Variants in IMPG1 observed in about 807,000 individuals in gnomAD.
The protein encoded by IMPG1 is interphotoreceptor matrix proteoglycan of 150 kDa.
In IMPG1, 85 loss-of-function variants were observed where a neutral mutation model predicts 92.0. That is an observed-to-expected ratio of 0.92 (90% CI 0.78 to 1.11). The LOEUF (loss-of-function observed/expected upper bound fraction) is 1.11. IMPG1 is among the 50% of genes least tolerant of loss of function. The probability of loss-of-function intolerance (pLI) is 0.00; values close to 1 mark genes in which losing one functional copy is unlikely to be tolerated. For missense variants in IMPG1, 1,022 were observed against 956.0 expected (o/e 1.07, Z -0.91); for synonymous variants, 367 against 334.1 (o/e 1.10, Z -1.08).
chr6:76,008,240 T>C lies in IMPG1; in HGVS notation c.867-740A>G, dbSNP rs1211953492. On this transcript the variant is annotated intron_variant, in intron 8 of 16. Transcript: ENST00000369950. ...TGGCCTTCCTGACCTCAAGCCTGGC[T>C]CATTTTTCCATGCTACCACCTGCTT... 3.3e-5 allele frequency among the ~76,000 whole-genome samples: 5 copies of C among 152,340 alleles called. No homozygotes were observed. In the South Asian group the frequency reaches 8.3e-4, roughly 25 times the overall value.
chr6:76,051,681 C>T (rs574814047), intron 1 of IMPG1, among the ~76,000 whole-genome samples: 3 of 152,180 alleles, frequency 2.0e-5, no homozygotes, highest in East Asian at 3.9e-4. Context: ...ATTTCCCTCT[C>T]TGTAGCTTTT....
chr6:75,938,495 A>C (rs2149452900), intron 14 of IMPG1, among the ~76,000 whole-genome samples: 1 of 152,360 alleles, frequency 6.6e-6, no homozygotes, highest in Non-Finnish European at 1.5e-5. Context: ...CTGTAAATAC[A>C]ATAAAATTGG....
rs181319287 is a variant in IMPG1, at chr6:76,062,363, C to T, written c.67+10059G>A. Reference sequence around the variant, plus strand: ...CACATTTACTGAAAGAAACATTATGCAGCCAATAAAATGATGCTTGTCAAA... The same window carrying T: ...CACATTTACTGAAAGAAACATTATGTAGCCAATAAAATGATGCTTGTCAAA... On this transcript the variant is annotated intron_variant, in intron 1 of 16. Coordinates refer to ENST00000369950, the MANE Select transcript of IMPG1 (RefSeq NM_001563.4). 4.9e-3 allele frequency among the ~76,000 whole-genome samples: 741 copies of T among 152,226 alleles called. 10 individuals are homozygous for T. The highest frequency in any genetic ancestry group is 2.4e-3 in the Non-Finnish European group (162 of 67,998).
At chr6:76,058,932 T>C (rs1784162323) in intron 1 of IMPG1, among the ~76,000 whole-genome samples, 1 of 152,180 alleles carries the variant, frequency 6.6e-6, no homozygotes, top group Admixed American at 6.5e-5. Flanking sequence ...ATTTCTATTG[T>C]ACCATCAAGA....
intron 12 of IMPG1, among the ~76,000 whole-genome samples, chr6:75,982,559 ATCTATATATC>A (rs1782644923): frequency 6.7e-6 from 1 of 149,864 alleles, no homozygotes; most frequent in Non-Finnish European, 1.5e-5. Context: ...CTATCTATCT[ATCTATATATC>A]TATATAGATA....
rs1201083502 is a variant in IMPG1, at chr6:75,947,337, C to T, written c.2021G>A (p.Ser674Asn). 2 of 1,613,550 alleles carry T rather than the reference C, an allele frequency of 1.2e-6. No individual in the cohort carries two copies. Among genetic ancestry groups the T allele is most frequent in the South Asian group, 2.2e-5 (2 of 91,066 alleles). ...AAQQLHLEID[S>N]YSLNIEPADQ... ...ACCTGGTTCAATGTTGAGAGAGTAG[C>T]TGTCTATTTCCAGATGGAGTTGTTG... is the stretch of plus-strand genomic sequence containing the variant. Residue 674 changes from serine (S) to asparagine (N), a missense_variant, in exon 14 of 17, where the codon AGC becomes AAC. Physicochemically the swap from Ser to Asn is conservative, Grantham distance 46. This residue lies in a region of IMPG1 where 332 missense variants were observed against 346.2 expected (regional missense o/e 0.96). Transcript: ENST00000369950.
rs73751760 is a variant in IMPG1 at position 75,921,801 on chromosome 6, A to G, written c.*288T>C. 3.1e-4 allele frequency: 74 copies of G among 240,866 alleles called. No individual in the cohort carries two copies. Among genetic ancestry groups the G allele is most frequent in the African/African-American group, 1.6e-3 (69 of 43,996 alleles). 14.9% of individuals were successfully genotyped at this position (240,866 alleles called of 1,614,324 possible). On this transcript the variant is annotated 3_prime_UTR_variant, in exon 17 of 17. Transcript: ENST00000369950. ...TGAGTAAAATTTTCAGGGAAGGTGG[A>G]AGCAAACCTGGCTTATGATCATTTT...
chr6:76,051,245 T>C (rs1345937283), intron 1 of IMPG1, among the ~76,000 whole-genome samples: 1 of 152,220 alleles, frequency 6.6e-6, no homozygotes, highest in East Asian at 1.9e-4. Context: ...ATTAGTAGAT[T>C]CTCAATTACA....
chr6:75,982,603 G>GTA (rs995938392), intron 12 of IMPG1, among the ~76,000 whole-genome samples: 3 of 148,702 alleles, frequency 2.0e-5, no homozygotes, highest in African/African-American at 2.5e-5. Context: ...ATATGTGTGT[G>GTA]TATATATATA....
At chr6:76,040,795 A>G (rs1783822561) in intron 2 of IMPG1, among the ~76,000 whole-genome samples, 1 of 152,250 alleles carries the variant, frequency 6.6e-6, no homozygotes, top group Non-Finnish European at 1.5e-5. Flanking sequence ...CCAAAACCCA[A>G]TAATAACTCT....
chr6:76,041,682 C>G (rs1783844581), intron 2 of IMPG1, among the ~76,000 whole-genome samples: 1 of 152,154 alleles, frequency 6.6e-6, no homozygotes, highest in Non-Finnish European at 1.5e-5. Flanking sequence ...CTATGCTGCA[C>G]AAGATATTAT....
chr6:76,046,020 A>G (rs1304471395), intron 1 of IMPG1, among the ~76,000 whole-genome samples: 1 of 152,136 alleles, frequency 6.6e-6, no homozygotes, highest in Non-Finnish European at 1.5e-5. Context: ...CTTGATGATG[A>G]ATTGGCTGCC....
chr6:75,964,266 G>T (rs1248285367), intron 12 of IMPG1, among the ~76,000 whole-genome samples: 4 of 152,172 alleles, frequency 2.6e-5, no homozygotes, highest in Non-Finnish European at 5.9e-5. Flanking sequence ...TTTTGGAGAT[G>T]ATGAAAGATT....
intron 12 of IMPG1, among the ~76,000 whole-genome samples, chr6:75,992,050 T>C (rs760162541): frequency 3.3e-5 from 5 of 152,200 alleles, no homozygotes; most frequent in Admixed American, 6.5e-5. Context: ...GTAAAGCAGA[T>C]TACCCTACAT....
At chr6:75,985,899 A>G (rs1331121350) in intron 12 of IMPG1, among the ~76,000 whole-genome samples, 1 of 152,222 alleles carries the variant, frequency 6.6e-6, no homozygotes, top group Non-Finnish European at 1.5e-5. Flanking sequence ...AAACATAACA[A>G]TATATGAAGT....
intron 12 of IMPG1, among the ~76,000 whole-genome samples, chr6:75,994,266 C>T (rs1458259824): frequency 6.6e-6 from 1 of 152,190 alleles, no homozygotes; most frequent in African/African-American, 2.4e-5. Flanking sequence ...TGCATAGCTG[C>T]CTCTAGCTCA....
chr6:75,984,802 T>G (rs906135201), intron 12 of IMPG1, among the ~76,000 whole-genome samples: 1 of 152,168 alleles, frequency 6.6e-6, no homozygotes, highest in Admixed American at 6.5e-5. Context: ...CTTGCTCTGG[T>G]AGTTCATGTG....
rs143987675 is a variant in IMPG1 at position 75,976,439 on chromosome 6, G to A, written c.1292-25345C>T. Among the ~76,000 whole-genome samples the A allele has an allele frequency of 7.3e-3, 1,107 of 152,330 alleles. 39 individuals carry two copies. The highest frequency in any genetic ancestry group is 0.054 in the Admixed American group (827 of 15,302). On this transcript the variant is annotated intron_variant, in intron 12 of 16. Transcript: ENST00000369950. ...TAGCCAGATGTGGTGGCGCATGCCT[G>A]TAATCCCAGCTACTTGGGAGGCTGA...
chr6:76,048,449 A>C (rs2765785), intron 1 of IMPG1, among the ~76,000 whole-genome samples: 151,749 of 152,284 alleles, frequency 1, 75,607 homozygotes, highest in East Asian at 1. Context: ...CTGCTCACTG[A>C]TCACTGGCTG....
Sources: allele counts gnomAD v4.1 joint callset (sites outside exome capture counted in the v4.1 genomes callset), GRCh38; gene constraint gnomAD v4.1.1; regional missense constraint gnomAD v4.1.1; transcripts MANE v1.5; gene names NCBI Gene and HGNC (gene_info 2026-07-23, HGNC 2026-07-21).